Variants in KPNA5 observed in about 807,000 individuals in gnomAD.
KPNA5 encodes karyopherin subunit alpha 5.
A neutral mutation model predicts 71.3 loss-of-function variants in KPNA5; 46 were observed. The observed-to-expected ratio is 0.65, with a 90% CI of 0.51 to 0.83. The LOEUF (loss-of-function observed/expected upper bound fraction) is 0.83. KPNA5 is among the 40% of genes least tolerant of loss of function. The pLI is 0.00. For missense variants in KPNA5, 547 were observed against 628.3 expected, an observed-to-expected ratio of 0.87 and a Z score of 1.38; for synonymous variants, 207 against 201.4, an observed-to-expected ratio of 1.03 and a Z score of -0.24.
At chr6:116,699,045 T>A (rs1431032049) in intron 5 of KPNA5, among the ~76,000 whole-genome samples, 1 of 152,114 alleles carries the variant, frequency 6.6e-6, no homozygotes, top group East Asian at 1.9e-4. Flanking sequence ...AATAAACAAT[T>A]TATAGTTGTT....
intron 6 of KPNA5, among the ~76,000 whole-genome samples, chr6:116,704,303 G>C (rs1778349974): frequency 6.6e-6 from 1 of 152,068 alleles, no homozygotes. Context: ...CTCCCAAAGT[G>C]CTGGAATTAC....
Position 116,726,604 on chromosome 6 carries a change from G to A in KPNA5, c.1235G>A (p.Gly412Asp), listed in dbSNP as rs1424021953. 2 of 1,606,814 alleles carry A rather than the reference G, an allele frequency of 1.2e-6. No individual in the cohort carries two copies. The highest frequency in any genetic ancestry group is 1.7e-6 in the Non-Finnish European group (2 of 1,177,414). ...AWAITNATSG[G>D]TPEQIRYLVA... ...GCTATAACTAATGCAACATCAGGAG[G>A]TACTCCAGAGCAAATAAGGTATGAT... The change falls in exon 12 of 14, where the codon GGT becomes GAT. Residue 412 changes from glycine to aspartate, a missense_variant. By Grantham distance (94) the Gly-to-Asp change is moderately conservative (BLOSUM62 -1). Transcript: ENST00000368564.
rs1779850099 is a variant in KPNA5 at position 116,740,881 on chromosome 6, T to G, written c.*8558T>G. ...AGGGGGGAGGGATAGCTTTAGGAGA[T>G]ATACCTAATGCTAAATGACGAGTTA... is the stretch of plus-strand genomic sequence containing the variant. On this transcript the variant is annotated 3_prime_UTR_variant, in exon 14 of 14. Transcript: ENST00000368564. 6.6e-6 allele frequency: 1 copy of G among 151,454 alleles called. No homozygotes were observed. The highest frequency in any genetic ancestry group is 2.1e-4 in the South Asian group (1 of 4,784). The allele number at this position is 151,454 out of a possible 1,614,324, so 9.4% of individuals were successfully genotyped here.
chr6:116,732,902 A>G lies in KPNA5; in HGVS notation c.*579A>G, dbSNP rs976208169. 1 of 151,986 alleles carries G rather than the reference A, an allele frequency of 6.6e-6. No individual in the cohort carries two copies. Among genetic ancestry groups the G allele is most frequent in the South Asian group, 2.1e-4 (1 of 4,836 alleles). The allele number at this position is 151,986 out of a possible 1,614,324, so 9.4% of individuals were successfully genotyped here. A position where few individuals can be genotyped will look rare whatever the true frequency, so the allele number is the denominator to read the frequency against. ...TGCAAAAAATTGCAACAGAAAACCT[A>G]TAAAATTTATTTATAAAACAGAAGA... On this transcript the variant is annotated 3_prime_UTR_variant, in exon 14 of 14. Transcript: ENST00000368564.
intron 10 of KPNA5, 102 bp downstream of exon 10, chr6:116,724,477 C>A: frequency 1.4e-6 from 1 of 721,856 alleles, no homozygotes; most frequent in South Asian, 1.8e-5. Flanking sequence ...TTTAGCATCA[C>A]CATAATTGTG....
intron 9 of KPNA5, among the ~76,000 whole-genome samples, chr6:116,722,895 T>C (rs540534467): frequency 1.4e-4 from 22 of 152,346 alleles, no homozygotes; most frequent in African/African-American, 5.3e-4. Context: ...TTCCTTCCTT[T>C]CTTCTTTTGT....
At chr6:116,711,316 T>C (rs1187177253) in intron 7 of KPNA5, among the ~76,000 whole-genome samples, 2 of 151,974 alleles carry the variant, frequency 1.3e-5, no homozygotes, top group Admixed American at 6.6e-5. Flanking sequence ...CTGTAGTGTT[T>C]TTCTATTCTG....
chr6:116,710,894 T>TATATATATATATATATATA lies in KPNA5; in HGVS notation c.657-5325_657-5324insATATATATATATATATATA, dbSNP rs57807333. ...TATTTTATATATATATATATATATATTTTTTTTTTTTTTTTTTTGAGTTGG... is the reference window on the plus strand; with the variant it reads ...TATTTTATATATATATATATATATATATATATATATATATATATATTTTTTTTTTTTTTTTTTGAGTTGG... On this transcript the variant is annotated intron_variant, in intron 7 of 13. Coordinates refer to ENST00000368564, the MANE Select transcript of KPNA5 (RefSeq NM_001366306.2). Among the ~76,000 whole-genome samples, 222 of 79,164 alleles carry TATATATATATATATATATA rather than the reference T, an allele frequency of 2.8e-3. 4 individuals are homozygous for TATATATATATATATATATA. The highest frequency in any genetic ancestry group is 5.6e-3 in the East Asian group (14 of 2,478). 51.9% of individuals were successfully genotyped at this position (79,164 alleles called of 152,430 possible).
chr6:116,712,008 G>A (rs1778706873), intron 7 of KPNA5, among the ~76,000 whole-genome samples: 1 of 152,110 alleles, frequency 6.6e-6, no homozygotes, highest in Non-Finnish European at 1.5e-5. Context: ...CAGTGGTGCA[G>A]CCTCGGCTCA....
intron 9 of KPNA5, among the ~76,000 whole-genome samples, chr6:116,723,292 G>A: frequency 6.6e-6 from 1 of 152,172 alleles, no homozygotes; most frequent in East Asian, 1.9e-4. Context: ...ACATAGCTAG[G>A]TATGGAAATA....
intron 4 of KPNA5, 38 bp downstream of exon 4, chr6:116,692,430 C>T (rs777244261): frequency 3.1e-5 from 40 of 1,278,322 alleles, no homozygotes; most frequent in East Asian, 1.7e-4. Flanking sequence ...TGATATTACA[C>T]GATTTTTTAG....
chr6:116,683,227 A>G (rs9489009), intron 1 of KPNA5, among the ~76,000 whole-genome samples: 3,689 of 152,302 alleles, frequency 0.024, 156 homozygotes, highest in African/African-American at 0.084. Flanking sequence ...AGAGTAGTAT[A>G]TTAGAATAGT....
At chr6:116,707,586 A>C (rs975209321) in intron 7 of KPNA5, among the ~76,000 whole-genome samples, 1 of 152,260 alleles carries the variant, frequency 6.6e-6, no homozygotes, top group Non-Finnish European at 1.5e-5. Context: ...ACATCAGCAT[A>C]GGTGAGTAAT....
intron 1 of KPNA5, among the ~76,000 whole-genome samples, chr6:116,684,150 C>T (rs1777479194): frequency 2.0e-5 from 3 of 151,680 alleles, no homozygotes; most frequent in South Asian, 4.2e-4. Context: ...TGACCTCAAG[C>T]GATCGACTCT....
chr6:116,681,440 T>C, intron 1 of KPNA5, 102 bp downstream of exon 1: 1 of 1,448,832 alleles, frequency 6.9e-7, no homozygotes, highest in Non-Finnish European at 9.1e-7. Flanking sequence ...CCCCTTACTT[T>C]GCGAAGGTCT....
chr6:116,730,182 G>C (rs1779433630), intron 13 of KPNA5, among the ~76,000 whole-genome samples: 1 of 148,350 alleles, frequency 6.7e-6, no homozygotes, highest in Non-Finnish European at 1.5e-5. Context: ...CACCTCCCAT[G>C]TTCAAGCAAT....
At chr6:116,685,182 A>G (rs934396389) in intron 1 of KPNA5, among the ~76,000 whole-genome samples, 2 of 152,242 alleles carry the variant, frequency 1.3e-5, no homozygotes, top group African/African-American at 4.8e-5. Context: ...CCTACAGTGG[A>G]ATAACAGCAA....
At chr6:116,708,268 C>T (rs577685095) in intron 7 of KPNA5, among the ~76,000 whole-genome samples, 12 of 152,132 alleles carry the variant, frequency 7.9e-5, no homozygotes, top group East Asian at 3.9e-4. Flanking sequence ...TATGTAAATA[C>T]GTAGGAGTGG....
intron 8 of KPNA5, among the ~76,000 whole-genome samples, chr6:116,720,563 G>A (rs1222893254): frequency 1.3e-5 from 2 of 152,114 alleles, no homozygotes; most frequent in African/African-American, 4.8e-5. Flanking sequence ...TCAAAAACCC[G>A]ATATTTGGCT....
Sources: allele counts gnomAD v4.1 joint callset (sites outside exome capture counted in the v4.1 genomes callset), GRCh38; gene constraint gnomAD v4.1.1; transcripts MANE v1.5; gene names NCBI Gene and HGNC (gene_info 2026-07-23, HGNC 2026-07-21).